TRPM3: variants seen among roughly 807,000 people sequenced by gnomAD.
TRPM3 encodes the protein transient receptor potential cation channel subfamily M member 3.
TRPM3 carries 77 observed loss-of-function variants against 181.2 expected under a neutral mutation model. The ratio of observed to expected loss-of-function variants is 0.42; its 90% CI spans 0.35 to 0.51. The LOEUF is 0.51. TRPM3 is among the 20% of genes least tolerant of loss of function. TRPM3 has a pLI of 0.01. For missense variants in TRPM3, 1,759 were observed against 2,196.7 expected, an observed-to-expected ratio of 0.80 and a Z score of 3.98; for synonymous variants, 745 against 796.4, an observed-to-expected ratio of 0.94 and a Z score of 1.09.
intron 22 of TRPM3, among the ~76,000 whole-genome samples, chr9:70,557,277 G>A (rs1281644312): frequency 2.0e-5 from 3 of 152,196 alleles, no homozygotes; most frequent in Admixed American, 6.5e-5. Flanking sequence ...GGACCAGCCT[G>A]AGGAACATTA....
intron 1 of TRPM3, among the ~76,000 whole-genome samples, chr9:70,941,902 A>C (rs2096889441): frequency 6.6e-6 from 1 of 152,036 alleles, no homozygotes; most frequent in African/African-American, 2.4e-5. Flanking sequence ...CCATCCCCAA[A>C]TCTATTTCTT....
Position 70,535,495 on chromosome 9 carries a change from G to A in TRPM3, c.*458C>T. ...ATGGAGCCAATGTGAAAAGAAAACA[G>A]AATGGAAGTTTAGAATATCTCATTG... On this transcript the variant is annotated 3_prime_UTR_variant, in exon 26 of 26. Coordinates refer to ENST00000677713, the MANE Select transcript of TRPM3 (RefSeq NM_001366145.2). 2.6e-6 allele frequency: 4 copies of A among 1,550,284 alleles called. No individual in the cohort carries two copies. Among genetic ancestry groups the A allele is most frequent in the Non-Finnish European group, 3.5e-6 (4 of 1,146,958 alleles).
At chr9:71,261,686 G>A (rs2083065131) in intron 1 of TRPM3, among the ~76,000 whole-genome samples, 1 of 152,156 alleles carries the variant, frequency 6.6e-6, no homozygotes, top group South Asian at 2.1e-4. Context: ...AATGGAGTTT[G>A]CATGGTCATC....
chr9:71,401,099 G>A (rs2093331697), intron 1 of TRPM3, among the ~76,000 whole-genome samples: 1 of 149,990 alleles, frequency 6.7e-6, no homozygotes, highest in African/African-American at 2.5e-5. Flanking sequence ...TCGGGAGGCT[G>A]AGGCAGGAAA....
chr9:71,226,776 T>C (rs760048728), intron 1 of TRPM3, among the ~76,000 whole-genome samples: 4 of 151,990 alleles, frequency 2.6e-5, no homozygotes, highest in Non-Finnish European at 4.4e-5. Context: ...TAGACTCCAA[T>C]ACAATAATAG....
chr9:70,583,105 G>A (rs2056319961), intron 22 of TRPM3, among the ~76,000 whole-genome samples: 1 of 152,162 alleles, frequency 6.6e-6, no homozygotes, highest in African/African-American at 2.4e-5. Flanking sequence ...TCCAGAAATA[G>A]CCCTTGAGTT....
chr9:70,668,096 A>AGTT (rs1268812130), intron 9 of TRPM3, among the ~76,000 whole-genome samples: 1 of 152,198 alleles, frequency 6.6e-6, no homozygotes, highest in Non-Finnish European at 1.5e-5. Context: ...CATCAAGAAA[A>AGTT]GTTTAGTCAT....
chr9:71,221,489 T>C (rs1024479330), intron 1 of TRPM3, among the ~76,000 whole-genome samples: 7 of 152,214 alleles, frequency 4.6e-5, no homozygotes, highest in African/African-American at 1.7e-4. Flanking sequence ...TTTATGTTTT[T>C]TAAAAAAAAT....
intron 22 of TRPM3, among the ~76,000 whole-genome samples, chr9:70,563,317 T>C (rs1415533029): frequency 4.6e-5 from 7 of 152,324 alleles, no homozygotes; most frequent in Admixed American, 4.6e-4. Flanking sequence ...CTGAGCTCAA[T>C]ACGTGCTTAT....
chr9:70,750,548 T>C (rs1388705276), intron 8 of TRPM3, among the ~76,000 whole-genome samples: 1 of 151,886 alleles, frequency 6.6e-6, no homozygotes, highest in Admixed American at 6.6e-5. Flanking sequence ...GAACACAGAG[T>C]AATGGCCCTG....
intron 9 of TRPM3, among the ~76,000 whole-genome samples, chr9:70,665,245 A>G (rs1305975309): frequency 6.6e-6 from 1 of 151,820 alleles, no homozygotes; most frequent in African/African-American, 2.4e-5. Context: ...CCTGTGTAAG[A>G]TCTCACTCAC....
intron 9 of TRPM3, among the ~76,000 whole-genome samples, chr9:70,657,366 C>T (rs547058138): frequency 1.4e-3 from 212 of 151,754 alleles, no homozygotes; most frequent in African/African-American, 4.6e-3. Context: ...TTAAAGGCCA[C>T]GAAATACTAA....
At chr9:70,598,066 C>T (rs1056583972) in intron 21 of TRPM3, among the ~76,000 whole-genome samples, 1 of 152,154 alleles carries the variant, frequency 6.6e-6, no homozygotes, top group Non-Finnish European at 1.5e-5. Flanking sequence ...ATCTCTATTA[C>T]AGCATTTTTC....
chr9:71,174,734 T>A (rs1180749749), intron 1 of TRPM3, among the ~76,000 whole-genome samples: 1 of 152,100 alleles, frequency 6.6e-6, no homozygotes, highest in Non-Finnish European at 1.5e-5. Flanking sequence ...CCATCGGGTA[T>A]CTGGAGAAGA....
intron 1 of TRPM3, among the ~76,000 whole-genome samples, chr9:71,090,188 G>T (rs2065964415): frequency 6.6e-6 from 1 of 152,016 alleles, no homozygotes; most frequent in Non-Finnish European, 1.5e-5. Context: ...ATGGTGAGGG[G>T]ATTGAACAAG....
intron 10 of TRPM3, 64 bp downstream of exon 10, chr9:70,640,496 T>C (rs554087152): frequency 1.4e-4 from 185 of 1,301,912 alleles, no homozygotes; most frequent in Non-Finnish European, 1.8e-4. Context: ...CCTCAGAGGC[T>C]CCTTAAACAA....
At chr9:71,381,426 T>C (rs1480617324) in intron 1 of TRPM3, among the ~76,000 whole-genome samples, 1 of 152,128 alleles carries the variant, frequency 6.6e-6, no homozygotes, top group Non-Finnish European at 1.5e-5. Flanking sequence ...AATGTGGCCA[T>C]TTCAATGACT....
chr9:70,805,037 C>T (rs553352840), intron 6 of TRPM3, among the ~76,000 whole-genome samples: 1 of 152,158 alleles, frequency 6.6e-6, no homozygotes, highest in Non-Finnish European at 1.5e-5. Flanking sequence ...CCAGAGCCAC[C>T]CACTTTGCAG....
rs551202197 is a variant in TRPM3 at position 70,937,553 on chromosome 9, A to T, written c.178-73042T>A. On this transcript the variant is annotated intron_variant, in intron 1 of 25. Coordinates refer to ENST00000677713, the MANE Select transcript of TRPM3 (RefSeq NM_001366145.2). ...CAAATTTTATTATGGGCAAAATTTT[A>T]AAAAATTACATTTTTAAATTGGCTG... Among the ~76,000 whole-genome samples the T allele has an allele frequency of 7.9e-5, 12 of 152,332 alleles. No individual in the cohort carries two copies. The South Asian group carries it at 1.7e-3, about 21-fold the overall frequency.
Sources: gnomAD v4.1 joint callset for allele counts (sites outside exome capture counted in the v4.1 genomes callset) on GRCh38, gnomAD v4.1.1 for gene constraint, MANE v1.5 for transcripts, NCBI Gene and HGNC (gene_info 2026-07-23, HGNC 2026-07-21) for gene names.